Variants in TIMMDC1 observed in about 807,000 individuals in gnomAD.
TIMMDC1 encodes the protein complex I assembly factor TIMMDC1, mitochondrial.
In TIMMDC1, 25 loss-of-function variants were observed where a neutral mutation model predicts 32.6. The observed-to-expected ratio is 0.77, with a 90% CI of 0.56 to 1.07. TIMMDC1 has a LOEUF of 1.07. Among genes scored for constraint, TIMMDC1 ranks in the 50% least tolerant of loss-of-function variants. TIMMDC1 has a pLI of 0.00. For missense variants in TIMMDC1, 329 were observed against 349.2 expected (o/e 0.94, Z 0.46); for synonymous variants, 130 against 127.6 (o/e 1.02, Z -0.13).
At position 119,511,512 on chromosome 3, in the gene TIMMDC1, G is replaced by C. The variant is rs185265053; in HGVS notation, c.518-2129G>C. Among the ~76,000 whole-genome samples the C allele has an allele frequency of 2.6e-5, 4 of 151,730 alleles. No individual in the cohort carries two copies. In the East Asian group the frequency reaches 7.7e-4, roughly 29 times the overall value. ...AGAAAAAAGAAAAAAAAATTTGTGC[G>C]TAAGTAAATCTGCACAGTTCAAACT... On this transcript the variant is annotated intron_variant, in intron 4 of 6. Coordinates refer to ENST00000494664, the MANE Select transcript of TIMMDC1 (RefSeq NM_016589.4).
In TIMMDC1 at chr3:119,522,338, TG is replaced by T. The variant is rs1178421382; in HGVS notation, c.708-1265del. On this transcript the variant is annotated intron_variant, in intron 6 of 6. Transcript: ENST00000494664. ...AATACTGCATGTTCTGTTGCTCATG[TG>T]GGAGCTAAAAAATGGGCTCATAGAA... Among the ~76,000 whole-genome samples, 5 of 152,290 alleles carry T rather than the reference TG, an allele frequency of 3.3e-5. No individual in the cohort carries two copies. In the South Asian group the frequency reaches 1.0e-3, roughly 32 times the overall value.
chr3:119,515,148 G>T (rs1043485772), intron 5 of TIMMDC1, among the ~76,000 whole-genome samples: 1 of 150,040 alleles, frequency 6.7e-6, no homozygotes, highest in African/African-American at 2.5e-5. Flanking sequence ...GGCAGAGGTT[G>T]CAGTGAGCCA....
At chr3:119,510,444 A>G (rs1577098938) in intron 4 of TIMMDC1, among the ~76,000 whole-genome samples, 1 of 146,190 alleles carries the variant, frequency 6.8e-6, no homozygotes, top group South Asian at 2.2e-4. Flanking sequence ...ACTTGATACA[A>G]TGTCTAAATC....
intron 6 of TIMMDC1, among the ~76,000 whole-genome samples, chr3:119,518,634 T>C (rs2082002108): frequency 1.3e-5 from 2 of 152,160 alleles, no homozygotes; most frequent in Non-Finnish European, 2.9e-5. Flanking sequence ...TCAGTGATTT[T>C]GAGATGGAAA....
At chr3:119,516,583 A>G (rs570003642) in intron 5 of TIMMDC1, among the ~76,000 whole-genome samples, 64 of 152,332 alleles carry the variant, frequency 4.2e-4, no homozygotes, top group African/African-American at 1.5e-3. Flanking sequence ...TTTAAGGTGT[A>G]TGAAGGTCAA....
chr3:119,499,423 T>C (rs1301374581), intron 1 of TIMMDC1, among the ~76,000 whole-genome samples: 12 of 147,492 alleles, frequency 8.1e-5, no homozygotes, highest in East Asian at 4.0e-4. Flanking sequence ...TCTTTCTTTT[T>C]TTTTTTTTTT....
intron 4 of TIMMDC1, among the ~76,000 whole-genome samples, chr3:119,511,334 T>A (rs9873196): frequency 6.6e-6 from 1 of 151,850 alleles, no homozygotes; most frequent in African/African-American, 2.4e-5. Context: ...AAAAAAATAG[T>A]TGTGGTGGCA....
chr3:119,520,627 A>G (rs1015232006), intron 6 of TIMMDC1, among the ~76,000 whole-genome samples: 11 of 152,218 alleles, frequency 7.2e-5, no homozygotes, highest in Admixed American at 3.3e-4. Flanking sequence ...CCAGGACCAC[A>G]TGGCTTCATT....
intron 6 of TIMMDC1, among the ~76,000 whole-genome samples, chr3:119,517,584 G>T (rs188257236): frequency 1.3e-5 from 2 of 152,284 alleles, no homozygotes; most frequent in South Asian, 4.1e-4. Flanking sequence ...TTGCTTGCAT[G>T]TTTTTTCTTT....
At chr3:119,505,818 G>C (rs2081915291) in intron 4 of TIMMDC1, among the ~76,000 whole-genome samples, 2 of 152,182 alleles carry the variant, frequency 1.3e-5, no homozygotes, top group Admixed American at 6.5e-5. Flanking sequence ...AATTAAGTCA[G>C]ACAACTTGCT....
In TIMMDC1 at chr3:119,498,919, TG is replaced by T. The variant is rs1168594886; in HGVS notation, c.188del (p.Gly63AlafsTer84). 1 of 1,614,070 alleles carries T rather than the reference TG, an allele frequency of 6.2e-7. No individual in the cohort carries two copies. Among genetic ancestry groups the T allele is most frequent in the South Asian group, 1.1e-5 (1 of 91,076 alleles). The part of the protein sequence containing the change: ...SGWDRLRELF[G>X]KDEQQRISKD... Reference sequence around the variant, plus strand: ...GATGGGACCGCCTCCGGGAGCTGTTTGGCAAAGAGTAAAAGTGCCTAGGGTG... The same window carrying T: ...GATGGGACCGCCTCCGGGAGCTGTTTGCAAAGAGTAAAAGTGCCTAGGGTG... On this transcript the variant is annotated frameshift_variant, in exon 1 of 7. Coordinates refer to ENST00000494664, the MANE Select transcript of TIMMDC1 (RefSeq NM_016589.4). LOFTEE classifies it high-confidence loss of function.
chr3:119,499,429 T>TC (rs2081852911), intron 1 of TIMMDC1, among the ~76,000 whole-genome samples: 1 of 143,998 alleles, frequency 6.9e-6, no homozygotes, highest in Non-Finnish European at 1.5e-5. Context: ...TTTTTTTTTT[T>TC]TTTTTCGAGA....
Position 119,498,611 on chromosome 3 carries a change from C to A in TIMMDC1, c.-123C>A. 1 of 954,182 alleles carries A rather than the reference C, an allele frequency of 1.0e-6. No homozygotes were observed. The highest frequency in any genetic ancestry group is 1.6e-6 in the Non-Finnish European group (1 of 629,974). 59.1% of individuals were successfully genotyped at this position (954,182 alleles called of 1,614,324 possible). A position where few individuals can be genotyped will look rare whatever the true frequency, so the allele number is the denominator to read the frequency against. Reference sequence around the variant, plus strand: ...AAGGTGTGGGTGTCGAGCCCTCTGGCAGAGGGTTAACCTGGGTCAAATGCA... The same window carrying A: ...AAGGTGTGGGTGTCGAGCCCTCTGGAAGAGGGTTAACCTGGGTCAAATGCA... On this transcript the variant is annotated 5_prime_UTR_variant, in exon 1 of 7. Transcript: ENST00000494664.
intron 6 of TIMMDC1, among the ~76,000 whole-genome samples, chr3:119,518,740 G>A (rs1249057226): frequency 3.9e-5 from 6 of 152,014 alleles, no homozygotes; most frequent in Admixed American, 1.3e-4. Flanking sequence ...GAGCTGCCAC[G>A]TGCACCCCCT....
chr3:119,517,402 A>C (rs1577101861), intron 6 of TIMMDC1, 87 bp downstream of exon 6: 1 of 770,568 alleles, frequency 1.3e-6, no homozygotes, highest in African/African-American at 1.7e-5. Context: ...TGTACTCTAA[A>C]CTGCCACTCA....
chr3:119,506,123 A>C (rs2081917578), intron 4 of TIMMDC1, among the ~76,000 whole-genome samples: 1 of 152,258 alleles, frequency 6.6e-6, no homozygotes, highest in African/African-American at 2.4e-5. Flanking sequence ...GCGTTAGAGC[A>C]GCCAGATTGT....
At chr3:119,500,649 T>C in intron 1 of TIMMDC1, 46 bp from the exon 2 acceptor site, 1 of 1,556,782 alleles carries the variant, frequency 6.4e-7, no homozygotes, top group Non-Finnish European at 8.7e-7. Flanking sequence ...TGGAGAGCAA[T>C]GTCCATAAAC....
At chr3:119,503,695 G>A in intron 3 of TIMMDC1, 75 bp downstream of exon 3, 1 of 1,262,116 alleles carries the variant, frequency 7.9e-7, no homozygotes. Context: ...GAGCAGGTGG[G>A]GTTATGAAAA....
In TIMMDC1 at chr3:119,500,800, T is replaced by C. The variant is rs2081868903; in HGVS notation, c.300T>C (p.Ala100=). The C allele has an allele frequency of 1.2e-6, 2 of 1,614,170 alleles. No individual in the cohort carries two copies. Among genetic ancestry groups the C allele is most frequent in the East Asian group, 4.5e-5 (2 of 44,878 alleles). Residue 100 remains alanine, a synonymous_variant, in exon 2 of 7, where the codon GCT becomes GCC. Transcript: ENST00000494664. The stretch of plus-strand genomic sequence containing the variant: ...GGGGAATACCAGCTTTTATTCATGC[T>C]AAACAACAATACATTGAGCAGAGCC... ...VYGGIPAFIH[A]KQQYIEQSQA... is the part of the protein sequence containing the mutation.
Sources: allele counts gnomAD v4.1 joint callset (sites outside exome capture counted in the v4.1 genomes callset), GRCh38; gene constraint gnomAD v4.1.1; transcripts MANE v1.5; gene names NCBI Gene and HGNC (gene_info 2026-07-23, HGNC 2026-07-21).